GTPBP10: variants seen among roughly 807,000 people sequenced by gnomAD.
GTPBP10 encodes the protein GTP binding protein 10.
GTPBP10 carries 38 observed loss-of-function variants against 44.8 expected under a neutral mutation model. That is an observed-to-expected ratio of 0.85 (90% CI 0.65 to 1.11). The LOEUF (loss-of-function observed/expected upper bound fraction) is 1.11. Among genes scored for constraint, GTPBP10 ranks in the 50% most tolerant of loss-of-function variants. The pLI is 0.00. For synonymous variants in GTPBP10, 152 were observed against 150.6 expected, an observed-to-expected ratio of 1.01 and a Z score of -0.07; for missense variants, 462 against 453.7, an observed-to-expected ratio of 1.02 and a Z score of -0.17.
chr7:90,370,459 C>T (rs893736975), intron 4 of GTPBP10, among the ~76,000 whole-genome samples: 8 of 152,078 alleles, frequency 5.3e-5, no homozygotes, highest in African/African-American at 1.9e-4. Context: ...ATCCAAGTGC[C>T]ACATATTGTC....
At chr7:90,362,962 C>CT (rs1047376493) in intron 4 of GTPBP10, among the ~76,000 whole-genome samples, 8 of 151,838 alleles carry the variant, frequency 5.3e-5, no homozygotes, top group East Asian at 1.9e-4. Flanking sequence ...CAACCCCTGC[C>CT]TTTTTTTTGT....
intron 4 of GTPBP10, chr7:90,371,121 A>C (rs1359015005): frequency 1.5e-6 from 1 of 685,190 alleles, no homozygotes; most frequent in Non-Finnish European, 1.8e-6. Context: ...GCATTGTTTA[A>C]AGTTATTTTA....
In GTPBP10 at chr7:90,363,117, G is replaced by A. The variant is rs183356034; in HGVS notation, c.464+7887G>A. Among the ~76,000 whole-genome samples, 22 of 152,282 alleles carry A rather than the reference G, an allele frequency of 1.4e-4. No homozygotes were observed. In the South Asian group the frequency reaches 2.3e-3, roughly 16 times the overall value. On this transcript the variant is annotated intron_variant, in intron 4 of 9. Coordinates refer to ENST00000222511, the MANE Select transcript of GTPBP10 (RefSeq NM_033107.4). ...TGCCAGTCTGTGTCTTTTAGTTGGA[G>A]CATTTAGCCCATTTACATTTAAGGT...
rs760380868 is a variant in GTPBP10, at chr7:90,372,213, A to C, written c.523A>C (p.Ile175Leu). The C allele has an allele frequency of 6.2e-7, 1 of 1,602,030 alleles. No individual in the cohort carries two copies. Among genetic ancestry groups the C allele is most frequent in the Admixed American group, 1.7e-5 (1 of 59,216 alleles). Residue 175 changes from isoleucine to leucine, a missense_variant, in exon 5 of 10, where the codon ATT becomes CTT. Coordinates refer to ENST00000222511, the MANE Select transcript of GTPBP10 (RefSeq NM_033107.4). The part of the protein sequence containing the change: ...LSCVSHAKPA[I>L]ADYAFTTLKP... ...TTGTGTTTCTCATGCAAAACCTGCA[A>C]TTGCAGATTACGCATGTAAGTGTAA...
At chr7:90,383,743 C>G (rs1439660448) in intron 9 of GTPBP10, 5 of 152,140 alleles carry the variant, frequency 3.3e-5, no homozygotes, top group Non-Finnish European at 7.3e-5. Flanking sequence ...CATTCAGAGT[C>G]TAGTAGAGAA....
chr7:90,375,731 AT>A (rs1261832425), intron 6 of GTPBP10, among the ~76,000 whole-genome samples: 3 of 151,912 alleles, frequency 2.0e-5, no homozygotes, highest in Non-Finnish European at 2.9e-5. Context: ...ACCCTGAATT[AT>A]TTATCTACAC....
Position 90,362,556 on chromosome 7 carries a change from T to C in GTPBP10, c.464+7326T>C, listed in dbSNP as rs140524115. Reference sequence around the variant, plus strand: ...CTAAGGAGTGCTTTACTTCCAACTATGTGGTCAATTTTGGATTAAGTGCGG... The same window carrying C: ...CTAAGGAGTGCTTTACTTCCAACTACGTGGTCAATTTTGGATTAAGTGCGG... On this transcript the variant is annotated intron_variant, in intron 4 of 9. Transcript: ENST00000222511. 7.1e-4 allele frequency among the ~76,000 whole-genome samples: 108 copies of C among 152,324 alleles called. No homozygotes were observed. The East Asian group carries it at 0.019, about 27-fold the overall frequency.
At chr7:90,351,765 G>A (rs1326556385) in intron 1 of GTPBP10, among the ~76,000 whole-genome samples, 9 of 151,860 alleles carry the variant, frequency 5.9e-5, no homozygotes, top group South Asian at 2.1e-4. Flanking sequence ...GCTTGATCTC[G>A]GCCCACTGCA....
intron 4 of GTPBP10, among the ~76,000 whole-genome samples, chr7:90,357,045 G>C (rs1278125227): frequency 6.6e-6 from 1 of 152,152 alleles, no homozygotes; most frequent in Non-Finnish European, 1.5e-5. Context: ...ATGAATACTA[G>C]CATAAGTAGA....
chr7:90,368,480 C>G (rs1276160016), intron 4 of GTPBP10, among the ~76,000 whole-genome samples: 1 of 152,088 alleles, frequency 6.6e-6, no homozygotes, highest in Non-Finnish European at 1.5e-5. Context: ...AGGCTTTGTT[C>G]ATTTCTTTTC....
intron 2 of GTPBP10, 45 bp from the exon 3 acceptor site, chr7:90,354,413 T>C: frequency 1.1e-6 from 1 of 931,322 alleles, no homozygotes; most frequent in Non-Finnish European, 1.6e-6. Context: ...TGTGTGTATA[T>C]ATACACACAC....
intron 1 of GTPBP10, among the ~76,000 whole-genome samples, chr7:90,350,475 GAA>G (rs1795769587): frequency 6.6e-6 from 1 of 151,916 alleles, no homozygotes; most frequent in Non-Finnish European, 1.5e-5. Context: ...GAGGAATCTA[GAA>G]CTGTCTTCCA....
At chr7:90,379,793 A>G (rs10231207) in intron 8 of GTPBP10, among the ~76,000 whole-genome samples, 1 of 152,174 alleles carries the variant, frequency 6.6e-6, no homozygotes, top group East Asian at 1.9e-4. Flanking sequence ...CCCACCATCA[A>G]TGTATGTTCC....
chr7:90,349,920 CT>C (rs113155964), intron 1 of GTPBP10, among the ~76,000 whole-genome samples: 2,806 of 145,170 alleles, frequency 0.019, 77 homozygotes, highest in African/African-American at 0.063. Flanking sequence ...CCTATTTCTT[CT>C]TTTTTTTTTT....
chr7:90,381,592 T>G (rs1361226647), intron 8 of GTPBP10, among the ~76,000 whole-genome samples: 1 of 152,174 alleles, frequency 6.6e-6, no homozygotes, highest in Non-Finnish European at 1.5e-5. Flanking sequence ...CAAAAGACCC[T>G]GAATAGCCAA....
At chr7:90,373,955 C>T (rs1252157123) in intron 5 of GTPBP10, among the ~76,000 whole-genome samples, 1 of 152,184 alleles carries the variant, frequency 6.6e-6, no homozygotes, top group Non-Finnish European at 1.5e-5. Context: ...ATCCTCCCAC[C>T]TCAGCCTCTG....
At chr7:90,374,820 A>G (rs1439534733) in intron 6 of GTPBP10, among the ~76,000 whole-genome samples, 1 of 151,696 alleles carries the variant, frequency 6.6e-6, no homozygotes, top group Admixed American at 6.6e-5. Context: ...GAAAAAAACT[A>G]AAAAAAGGAA....
rs1453675162 is a variant in GTPBP10, at chr7:90,391,024, A to G, written c.*5870A>G. ...ACAGAGTAAATAAAAGCCCCTAGTC[A>G]AGTGAATTCTAATGGGGGAAATAAG... On this transcript the variant is annotated 3_prime_UTR_variant, in exon 10 of 10. Coordinates refer to ENST00000222511, the MANE Select transcript of GTPBP10 (RefSeq NM_033107.4). 1 of 152,226 alleles carries G rather than the reference A, an allele frequency of 6.6e-6. No individual in the cohort carries two copies. Among genetic ancestry groups the G allele is most frequent in the East Asian group, 1.9e-4 (1 of 5,204 alleles). The allele number at this position is 152,226 out of a possible 1,614,324, so 9.4% of individuals were successfully genotyped here.
chr7:90,346,845 C>T (rs1225457753), intron 1 of GTPBP10, 71 bp downstream of exon 1: 2 of 1,518,272 alleles, frequency 1.3e-6, no homozygotes, highest in Admixed American at 1.7e-5. Flanking sequence ...TCCCCTGTCT[C>T]TCCACTACTG....
Sources: allele counts gnomAD v4.1 joint callset (sites outside exome capture counted in the v4.1 genomes callset), GRCh38; gene constraint gnomAD v4.1.1; transcripts MANE v1.5; gene names NCBI Gene and HGNC (gene_info 2026-07-23, HGNC 2026-07-21).